RADIL: variants seen among roughly 807,000 people sequenced by gnomAD.
The protein encoded by RADIL is ras-associating and dilute domain-containing protein.
In RADIL, 99 loss-of-function variants were observed where a neutral mutation model predicts 97.6. The observed-to-expected ratio is 1.01, with a 90% CI of 0.86 to 1.20. The LOEUF (loss-of-function observed/expected upper bound fraction) is 1.20, where lower values mean the gene tolerates loss of function less well. Ranked by LOEUF, RADIL falls within the 50% of genes most tolerant of loss-of-function variation. The pLI is 0.00. For missense variants in RADIL, 1,765 were observed against 1,498.9 expected (o/e 1.18, Z -2.93); for synonymous variants, 803 against 691.8 (o/e 1.16, Z -2.52).
chr7:4,837,947 T>A lies in RADIL; in HGVS notation c.536-1342A>T. The stretch of plus-strand genomic sequence containing the variant: ...CGGCCTTTCCTCCAACCATTCCCAA[T>A]AAAACCAAACAAAAGCCGGATGGAG... On this transcript the variant is annotated intron_variant, in intron 2 of 14. Transcript: ENST00000399583. The surrounding 1 kb of genome is among the most constrained non-coding windows in gnomAD (Gnocchi z 5.6). 1.0e-6 allele frequency: 1 copy of A among 985,224 alleles called. No homozygotes were observed. The allele number at this position is 985,224 out of a possible 1,614,324, so 61.0% of individuals were successfully genotyped here.
chr7:4,846,793 C>T (rs1209527855), intron 2 of RADIL, among the ~76,000 whole-genome samples: 1 of 151,898 alleles, frequency 6.6e-6, no homozygotes, highest in Non-Finnish European at 1.5e-5. Context: ...GTGATCCACC[C>T]ACCTCAGCCT....
At chr7:4,860,496 C>T in intron 2 of RADIL, 1 of 1,614,116 alleles carries the variant, frequency 6.2e-7, no homozygotes, top group Non-Finnish European at 8.5e-7. Flanking sequence ...AACCCAATCA[C>T]CCACATTGTA....
rs757731311 is a variant in RADIL, at chr7:4,872,870, C to A, written c.535+4735G>T. Among the ~76,000 whole-genome samples, 1 of 152,142 alleles carries A rather than the reference C, an allele frequency of 6.6e-6. No homozygotes were observed. The highest frequency in any genetic ancestry group is 2.4e-5 in the African/African-American group (1 of 41,430). On this transcript the variant is annotated intron_variant, in intron 2 of 14. Coordinates refer to ENST00000399583, the MANE Select transcript of RADIL (RefSeq NM_018059.5). This position sits in a 1 kb window ranked among gnomAD's most constrained non-coding sequence, Gnocchi z 5.8. ...TCCGAGGTGAGGGGCAGGGGAGAGG[C>A]CTGAGAGACTTTGGCGAAATGCTTC...
At chr7:4,871,409 A>G (rs1283839036) in intron 2 of RADIL, among the ~76,000 whole-genome samples, 1 of 152,244 alleles carries the variant, frequency 6.6e-6, no homozygotes, top group African/African-American at 2.4e-5. Context: ...GCGTGCACAC[A>G]ACAGTCCCTG....
rs1420245005 is a variant in RADIL, at chr7:4,819,656, C to T, written c.1616-2305G>A. Among the ~76,000 whole-genome samples, 5 of 152,204 alleles carry T rather than the reference C, an allele frequency of 3.3e-5. No homozygotes were observed. Among genetic ancestry groups the T allele is most frequent in the Admixed American group, 2.0e-4 (3 of 15,282 alleles). ...AACAGTGTTTGCGGAATGACAACAG[C>T]CACGTGACCCACCCTCGGGACGCGA... On this transcript the variant is annotated intron_variant, in intron 6 of 14. Transcript: ENST00000399583. The surrounding 1 kb of genome is among the most constrained non-coding windows in gnomAD (Gnocchi z 5.8).
intron 2 of RADIL, among the ~76,000 whole-genome samples, chr7:4,838,998 G>A (rs774061854): frequency 6.6e-6 from 1 of 152,230 alleles, no homozygotes; most frequent in Non-Finnish European, 1.5e-5. Context: ...AGTTAGCAAA[G>A]CCCAGAACCC....
chr7:4,805,461 T>G, intron 10 of RADIL, 105 bp downstream of exon 10: 1 of 1,356,832 alleles, frequency 7.4e-7, no homozygotes, highest in South Asian at 1.8e-5. Context: ...AGGAGAGAGG[T>G]CCCCCACACC....
intron 2 of RADIL, chr7:4,860,435 T>C (rs772039874): frequency 3.1e-6 from 5 of 1,614,084 alleles, no homozygotes; most frequent in Non-Finnish European, 4.2e-6. Context: ...CTGGATATCA[T>C]AGGTGAGATC....
chr7:4,859,777 G>A lies in RADIL; in HGVS notation c.535+17828C>T, dbSNP rs1783927944. On this transcript the variant is annotated intron_variant, in intron 2 of 14. Transcript: ENST00000399583. The stretch of plus-strand genomic sequence containing the variant: ...TGTTCCCTGAGAGGCCAATAGAGAA[G>A]ATGCTGTCTGAATTTTTCTAATGGA... 7.8e-6 allele frequency: 5 copies of A among 641,002 alleles called. No individual in the cohort carries two copies. The South Asian group carries it at 7.9e-5, about 10-fold the overall frequency. The allele number at this position is 641,002 out of a possible 1,614,324, so 39.7% of individuals were successfully genotyped here.
chr7:4,865,451 T>C lies in RADIL; in HGVS notation c.535+12154A>G, dbSNP rs946161580. ...GAATTTAATCCTTGTCTTCCTCCTC[T>C]TCTTTGTCCTGGTTAATCTGGAAGT... On this transcript the variant is annotated intron_variant, in intron 2 of 14. Coordinates refer to ENST00000399583, the MANE Select transcript of RADIL (RefSeq NM_018059.5). 6.8e-6 allele frequency: 5 copies of C among 734,118 alleles called. No individual in the cohort carries two copies. In the African/African-American group the frequency reaches 7.0e-5, roughly 10 times the overall value. 45.5% of individuals were successfully genotyped at this position (734,118 alleles called of 1,614,324 possible).
intron 2 of RADIL, chr7:4,861,585 A>ATTCCTT (rs754587333): frequency 6.2e-7 from 1 of 1,613,492 alleles, no homozygotes; most frequent in Admixed American, 1.7e-5. Flanking sequence ...TCGCGTATCC[A>ATTCCTT]TTCCTTTACC....
chr7:4,806,801 C>G (rs540657880), intron 9 of RADIL, among the ~76,000 whole-genome samples: 2 of 152,248 alleles, frequency 1.3e-5, no homozygotes, highest in Admixed American at 1.3e-4. Flanking sequence ...GAACTCCAGG[C>G]GGGAGGGCGT....
chr7:4,837,743 G>T lies in RADIL; in HGVS notation c.536-1138C>A. On this transcript the variant is annotated intron_variant, in intron 2 of 14. Transcript: ENST00000399583. The surrounding 1 kb of genome is among the most constrained non-coding windows in gnomAD (Gnocchi z 5.6). ...TCAGAGATAACACACACCCTTAGAA[G>T]ACTTAATATCTCATAAATACAGACA... 1 of 751,712 alleles carries T rather than the reference G, an allele frequency of 1.3e-6. No homozygotes were observed. Among genetic ancestry groups the T allele is most frequent in the Non-Finnish European group, 1.6e-6 (1 of 617,304 alleles). 46.6% of individuals were successfully genotyped at this position (751,712 alleles called of 1,614,324 possible).
rs1015127991 is a variant in RADIL, at chr7:4,815,858, C to T, written c.1966+370G>A. The stretch of plus-strand genomic sequence containing the variant: ...GGGAAGTCACTCCACAAGGCAGGGT[C>T]CAAGGCCAGAGTCCGCGGCTGCACA... On this transcript the variant is annotated intron_variant, in intron 8 of 14. Transcript: ENST00000399583. The surrounding 1 kb of genome is among the most constrained non-coding windows in gnomAD (Gnocchi z 8.0). Among the ~76,000 whole-genome samples the T allele has an allele frequency of 1.3e-5, 2 of 152,190 alleles. No individual in the cohort carries two copies. Among genetic ancestry groups the T allele is most frequent in the East Asian group, 1.9e-4 (1 of 5,186 alleles).
At chr7:4,865,886 T>A in intron 2 of RADIL, 1 of 645,654 alleles carries the variant, frequency 1.5e-6, no homozygotes, top group Non-Finnish European at 2.8e-6. Flanking sequence ...TTTACCGTTA[T>A]GTTCTAATTA....
At chr7:4,823,443 T>A (rs926745498) in intron 5 of RADIL, among the ~76,000 whole-genome samples, 3 of 151,798 alleles carry the variant, frequency 2.0e-5, no homozygotes, top group Non-Finnish European at 2.9e-5. Flanking sequence ...GTGCTGGGAT[T>A]ATAGGCATGA....
At chr7:4,809,007 G>T in intron 9 of RADIL, 1 of 591,682 alleles carries the variant, frequency 1.7e-6, no homozygotes, top group South Asian at 8.9e-5. Flanking sequence ...GTCCCCTTCC[G>T]ACGCCACTGC....
chr7:4,820,892 A>G (rs1782813531), intron 6 of RADIL, among the ~76,000 whole-genome samples: 1 of 152,120 alleles, frequency 6.6e-6, no homozygotes, highest in Non-Finnish European at 1.5e-5. Flanking sequence ...CACCACGGAG[A>G]GCCCCTCCTC....
In RADIL at chr7:4,837,896, A is replaced by G. The variant is rs1783343370; in HGVS notation, c.536-1291T>C. 2 of 985,256 alleles carry G rather than the reference A, an allele frequency of 2.0e-6. No individual in the cohort carries two copies. The highest frequency in any genetic ancestry group is 1.2e-4 in the Admixed American group (2 of 16,256). The allele number at this position is 985,256 out of a possible 1,614,324, so 61.0% of individuals were successfully genotyped here. ...CTGAGTTCCCTGTACGCAGCCTTTC[A>G]GGTTAAGATCCATCCCCATCTGTGG... On this transcript the variant is annotated intron_variant, in intron 2 of 14. Transcript: ENST00000399583. The surrounding 1 kb of genome is among the most constrained non-coding windows in gnomAD (Gnocchi z 5.6).
Sources: gnomAD v4.1 joint callset for allele counts (sites outside exome capture counted in the v4.1 genomes callset) on GRCh38, gnomAD v4.1.1 for gene constraint, Gnocchi (gnomAD v3.1) non-coding constraint, MANE v1.5 for transcripts, NCBI Gene and HGNC (gene_info 2026-07-23, HGNC 2026-07-21) for gene names.